ME3: variants seen among roughly 807,000 people sequenced by gnomAD.
ME3 encodes malic enzyme 3.
A neutral mutation model predicts 68.9 loss-of-function variants in ME3; 48 were observed. The observed-to-expected ratio is 0.70, with a 90% CI of 0.55 to 0.89. ME3 has a LOEUF of 0.89. Among genes scored for constraint, ME3 ranks in the 40% least tolerant of loss-of-function variants. The pLI, the probability that ME3 is intolerant of heterozygous loss-of-function variation, is 0.00. For synonymous variants in ME3, 320 were observed against 318.8 expected (o/e 1.00, Z -0.04); for missense variants, 675 against 797.4 (o/e 0.85, Z 1.85).
intron 2 of ME3, among the ~76,000 whole-genome samples, chr11:86,655,953 C>A (rs1945839150): frequency 6.6e-6 from 1 of 151,922 alleles, no homozygotes; most frequent in Non-Finnish European, 1.5e-5. Flanking sequence ...TGAACAGACA[C>A]TTCTCAAAAG....
chr11:86,537,661 C>T (rs1158788579), intron 4 of ME3, among the ~76,000 whole-genome samples: 1 of 152,212 alleles, frequency 6.6e-6, no homozygotes, highest in Admixed American at 6.5e-5. Flanking sequence ...GTTCCCATGT[C>T]AGGCTTGCTG....
chr11:86,513,965 C>T (rs1221543778), intron 4 of ME3, among the ~76,000 whole-genome samples: 3 of 152,126 alleles, frequency 2.0e-5, no homozygotes, highest in East Asian at 3.9e-4. Flanking sequence ...ACCCAAATCT[C>T]ATCTTGAATT....
At chr11:86,469,392 A>G (rs528406756) in intron 7 of ME3, among the ~76,000 whole-genome samples, 1 of 152,266 alleles carries the variant, frequency 6.6e-6, no homozygotes, top group African/African-American at 2.4e-5. Context: ...TTGTGCTTAC[A>G]CAAACTGGAC....
intron 2 of ME3, among the ~76,000 whole-genome samples, chr11:86,592,187 A>G (rs1282610284): frequency 2.0e-5 from 3 of 152,178 alleles, no homozygotes; most frequent in Non-Finnish European, 4.4e-5. Flanking sequence ...CACTGTGACA[A>G]TGATGGCCAG....
chr11:86,567,243 A>AAAGAAAGGAAGGAAGG (rs869098620), intron 2 of ME3, among the ~76,000 whole-genome samples: 4 of 144,580 alleles, frequency 2.8e-5, no homozygotes, highest in African/African-American at 5.1e-5. Context: ...GAAAAGAAAG[A>AAAGAAAGGAAGGAAGG]AAGGAAGGAA....
intron 2 of ME3, among the ~76,000 whole-genome samples, chr11:86,651,292 C>A (rs906238239): frequency 2.6e-5 from 4 of 152,222 alleles, no homozygotes; most frequent in Non-Finnish European, 4.4e-5. Context: ...GGACAGACTG[C>A]CTCCTCAAGT....
chr11:86,606,436 T>C (rs1399913895), intron 2 of ME3, among the ~76,000 whole-genome samples: 1 of 152,154 alleles, frequency 6.6e-6, no homozygotes, highest in East Asian at 1.9e-4. Context: ...CACACACAAG[T>C]GCCACTCAGA....
At chr11:86,530,994 A>C (rs1299319753) in intron 4 of ME3, among the ~76,000 whole-genome samples, 1 of 152,146 alleles carries the variant, frequency 6.6e-6, no homozygotes, top group Non-Finnish European at 1.5e-5. Flanking sequence ...CAAAATTGAC[A>C]AATGGGATCT....
At chr11:86,467,382 T>G (rs1437920680) in intron 7 of ME3, among the ~76,000 whole-genome samples, 1 of 152,080 alleles carries the variant, frequency 6.6e-6, no homozygotes, top group Non-Finnish European at 1.5e-5. Flanking sequence ...CAGCCCTCTT[T>G]TGCTTGTACT....
At chr11:86,644,881 G>T (rs187619337) in intron 2 of ME3, among the ~76,000 whole-genome samples, 4 of 152,140 alleles carry the variant, frequency 2.6e-5, no homozygotes, top group Non-Finnish European at 5.9e-5. Context: ...CACTGGGACT[G>T]GTTAGACAGT....
intron 2 of ME3, among the ~76,000 whole-genome samples, chr11:86,618,671 G>T (rs1283738743): frequency 6.6e-6 from 1 of 151,540 alleles, no homozygotes; most frequent in Non-Finnish European, 1.5e-5. Context: ...ATCCCTCATG[G>T]TTTGGTGCTG....
chr11:86,525,511 T>TAA (rs545938132), intron 4 of ME3, among the ~76,000 whole-genome samples: 2 of 138,024 alleles, frequency 1.4e-5, no homozygotes, highest in Non-Finnish European at 1.6e-5. Flanking sequence ...CTGAATGGTT[T>TAA]AAAAAAAAAA....
chr11:86,641,355 G>A (rs1013383842), intron 2 of ME3, among the ~76,000 whole-genome samples: 1 of 152,202 alleles, frequency 6.6e-6, no homozygotes, highest in African/African-American at 2.4e-5. Flanking sequence ...CTCTCTGAGT[G>A]GGTTGATGGG....
chr11:86,532,128 A>G (rs544438945), intron 4 of ME3, among the ~76,000 whole-genome samples: 1 of 152,282 alleles, frequency 6.6e-6, no homozygotes, highest in East Asian at 1.9e-4. Context: ...AAAGAGACAA[A>G]GAAGATCATT....
intron 8 of ME3, among the ~76,000 whole-genome samples, chr11:86,456,965 G>A (rs558388934): frequency 3.6e-4 from 55 of 152,216 alleles, no homozygotes; most frequent in African/African-American, 1.3e-3. Context: ...AACTAATCAG[G>A]ACAGAACTTC....
At chr11:86,653,411 C>A (rs958622930) in intron 2 of ME3, among the ~76,000 whole-genome samples, 25 of 152,158 alleles carry the variant, frequency 1.6e-4, no homozygotes, top group Non-Finnish European at 2.5e-4. Flanking sequence ...GACCACAGTG[C>A]AATCAAACTA....
At chr11:86,456,346 T>C (rs989257223) in intron 8 of ME3, among the ~76,000 whole-genome samples, 4 of 152,286 alleles carry the variant, frequency 2.6e-5, no homozygotes, top group African/African-American at 9.6e-5. Flanking sequence ...ATGGGTCTTT[T>C]TCTTTTTGGG....
intron 8 of ME3, chr11:86,457,477 C>G: frequency 9.7e-7 from 1 of 1,031,958 alleles, no homozygotes; most frequent in Non-Finnish European, 1.2e-6. Flanking sequence ...CATTTTTTTC[C>G]TTTGGGAAGC....
chr11:86,558,256 A>G (rs1957030237), intron 3 of ME3, among the ~76,000 whole-genome samples: 2 of 152,096 alleles, frequency 1.3e-5, no homozygotes, highest in South Asian at 4.1e-4. Context: ...TAACAAAAGG[A>G]GAAGGTTCAG....
Sources: gnomAD v4.1 joint callset for allele counts (sites outside exome capture counted in the v4.1 genomes callset) on GRCh38, gnomAD v4.1.1 for gene constraint, MANE v1.5 for transcripts, NCBI Gene and HGNC (gene_info 2026-07-23, HGNC 2026-07-21) for gene names.